MANEA: variants seen among roughly 807,000 people sequenced by gnomAD.
The protein encoded by MANEA is glycoprotein endo-alpha-1,2-mannosidase.
A neutral mutation model predicts 36.8 loss-of-function variants in MANEA; 25 were observed. The observed-to-expected ratio is 0.68, with a 90% CI of 0.50 to 0.95. The LOEUF (loss-of-function observed/expected upper bound fraction) is 0.95. Among genes scored for constraint, MANEA ranks in the 40% least tolerant of loss-of-function variants. The pLI is 0.00. For synonymous variants in MANEA, 198 were observed against 188.5 expected (o/e 1.05, Z -0.41); for missense variants, 565 against 558.8 (o/e 1.01, Z -0.11).
At chr6:95,594,317 A>G (rs548279080) in intron 2 of MANEA, among the ~76,000 whole-genome samples, 1 of 152,320 alleles carries the variant, frequency 6.6e-6, no homozygotes, top group Admixed American at 6.5e-5. Flanking sequence ...CCCTTAGTTC[A>G]TGTAGCTGAT....
chr6:95,589,819 A>T (rs1582223066), intron 2 of MANEA, among the ~76,000 whole-genome samples: 1 of 152,126 alleles, frequency 6.6e-6, no homozygotes, highest in Admixed American at 6.6e-5. Flanking sequence ...TTTATTTGGC[A>T]AAAGGGGAAT....
intron 4 of MANEA, among the ~76,000 whole-genome samples, chr6:95,605,204 A>G (rs1769676078): frequency 6.6e-6 from 1 of 152,126 alleles, no homozygotes; most frequent in African/African-American, 2.4e-5. Context: ...CCTTCAGAAT[A>G]TAGCTTTATC....
At position 95,606,014 on chromosome 6, in the gene MANEA, C is replaced by T; in HGVS notation, c.998C>T (p.Ser333Leu). The T allele has an allele frequency of 1.2e-6, 2 of 1,613,886 alleles. No homozygotes were observed. Among genetic ancestry groups the T allele is most frequent in the Non-Finnish European group, 1.7e-6 (2 of 1,179,956 alleles). Residue 333 changes from serine (S) to leucine (L), a missense_variant, in exon 5 of 5, where the codon TCA becomes TTA. By Grantham distance (145) the Ser-to-Leu change is moderately radical. Coordinates refer to ENST00000358812, the MANE Select transcript of MANEA (RefSeq NM_024641.4). Reference sequence around the variant, plus strand: ...GCCACAAATGGCTTTACTTATGGCTCATCACATCAGAATTGGGCTAGCCTA... The same window carrying T: ...GCCACAAATGGCTTTACTTATGGCTTATCACATCAGAATTGGGCTAGCCTA... ...YFATNGFTYG[S>L]SHQNWASLKL... is the part of the protein sequence containing the mutation.
In MANEA at chr6:95,586,719, G is replaced by A. The variant is rs1457617468; in HGVS notation, c.280G>A (p.Asp94Asn). 6.2e-7 allele frequency: 1 copy of A among 1,613,936 alleles called. No homozygotes were observed. Among genetic ancestry groups the A allele is most frequent in the South Asian group, 1.1e-5 (1 of 91,080 alleles). The change falls in exon 2 of 5, where the codon GAT becomes AAT. Residue 94 changes from aspartate (D) to asparagine (N), a missense_variant. By Grantham distance (23) the Asp-to-Asn change is conservative. Coordinates refer to ENST00000358812, the MANE Select transcript of MANEA (RefSeq NM_024641.4). The part of the protein sequence containing the change: ...KPSKASELNL[D>N]ELPPLNNYLH... ...TTCCAAAGCCTCTGAACTTAACTTG[G>A]ATGAACTACCACCTCTGAACAATTA...
At position 95,605,787 on chromosome 6, in the gene MANEA, G is replaced by C. The variant is rs140663602; in HGVS notation, c.771G>C (p.Lys257Asn). ...CGGCCTTTTACAGGTACAAGACGAA[G>C]ACTGGCAATGCTCTTCCTATGTTTT... ...NHPAFYRYKT[K>N]TGNALPMFYV... The change falls in exon 5 of 5, where the codon AAG becomes AAC. Residue 257 changes from lysine (K) to asparagine (N), a missense_variant. Physicochemically the swap from Lys to Asn is moderately conservative, Grantham distance 94. Transcript: ENST00000358812. 2.3e-4 allele frequency: 377 copies of C among 1,613,440 alleles called. No homozygotes were observed. The highest frequency in any genetic ancestry group is 2.3e-3 in the Middle Eastern group (14 of 6,062).
intron 1 of MANEA, among the ~76,000 whole-genome samples, 156 bp downstream of exon 1, chr6:95,577,794 C>T (rs527630906): frequency 1.3e-5 from 2 of 152,210 alleles, no homozygotes; most frequent in African/African-American, 2.4e-5. Context: ...CTCTGGCAGG[C>T]GCTGGTGGCG....
At chr6:95,585,621 A>T (rs2127938899) in intron 1 of MANEA, among the ~76,000 whole-genome samples, 1 of 152,232 alleles carries the variant, frequency 6.6e-6, no homozygotes, top group South Asian at 2.1e-4. Flanking sequence ...AGCCTAATGA[A>T]TTTTTTGAAA....
intron 3 of MANEA, among the ~76,000 whole-genome samples, chr6:95,597,766 G>A (rs1310667736): frequency 6.6e-6 from 1 of 151,992 alleles, no homozygotes; most frequent in African/African-American, 2.4e-5. Flanking sequence ...ATAAGACATA[G>A]TAGAAGAAAG....
At chr6:95,601,701 T>C (rs1210931465) in intron 3 of MANEA, among the ~76,000 whole-genome samples, 2 of 139,282 alleles carry the variant, frequency 1.4e-5, no homozygotes, top group Non-Finnish European at 3.1e-5. Context: ...AAAAGAAAAT[T>C]AGGCAGATTC....
intron 2 of MANEA, chr6:95,587,273 A>G (rs1310036098): frequency 2.8e-6 from 1 of 351,488 alleles, no homozygotes; most frequent in African/African-American, 2.1e-5. Flanking sequence ...TACATAAAAT[A>G]CAATGAATTT....
chr6:95,580,219 C>CATAT (rs146691044), intron 1 of MANEA, among the ~76,000 whole-genome samples: 1 of 151,316 alleles, frequency 6.6e-6, no homozygotes, highest in Non-Finnish European at 1.5e-5. Context: ...CACAGATATA[C>CATAT]ATATATATAT....
At chr6:95,591,131 T>C (rs1769379077) in intron 2 of MANEA, among the ~76,000 whole-genome samples, 2 of 152,250 alleles carry the variant, frequency 1.3e-5, no homozygotes, top group Non-Finnish European at 2.9e-5. Context: ...TCACAGTGAT[T>C]AAAAGTAAGA....
At chr6:95,585,650 T>C (rs1769266312) in intron 1 of MANEA, among the ~76,000 whole-genome samples, 1 of 152,246 alleles carries the variant, frequency 6.6e-6, no homozygotes, top group African/African-American at 2.4e-5. Context: ...AATATCTTAC[T>C]TGTGATTATT....
rs572056432 is a variant in MANEA, at chr6:95,578,220, A to T, written c.-39+582A>T. On this transcript the variant is annotated intron_variant, in intron 1 of 4. Transcript: ENST00000358812. Reference sequence around the variant, plus strand: ...AACGTGTTTGGCACTGTCATCTTAGACTCTTAGCCTTTGCTAAGTCGGGAT... The same window carrying T: ...AACGTGTTTGGCACTGTCATCTTAGTCTCTTAGCCTTTGCTAAGTCGGGAT... 2.0e-4 allele frequency among the ~76,000 whole-genome samples: 30 copies of T among 152,120 alleles called. 1 individual carries two copies. The South Asian group carries it at 5.4e-3, about 27-fold the overall frequency.
chr6:95,601,417 A>G (rs946915532), intron 3 of MANEA, among the ~76,000 whole-genome samples: 5 of 152,116 alleles, frequency 3.3e-5, no homozygotes, highest in African/African-American at 1.2e-4. Flanking sequence ...GCTTTGGCTG[A>G]TGAGATGTGA....
Position 95,586,409 on chromosome 6 carries a change from C to G in MANEA, c.-31C>G. On this transcript the variant is annotated 5_prime_UTR_variant, in exon 2 of 5. Coordinates refer to ENST00000358812, the MANE Select transcript of MANEA (RefSeq NM_024641.4). The stretch of plus-strand genomic sequence containing the variant: ...TTTTTCAATAAATTGCAGCAAAACA[C>G]TTACTATTTTGGAGTTTAAAGTATG... The G allele has an allele frequency of 6.5e-7, 1 of 1,540,956 alleles. No homozygotes were observed. Among genetic ancestry groups the G allele is most frequent in the Non-Finnish European group, 8.8e-7 (1 of 1,135,418 alleles).
At chr6:95,597,546 A>T (rs1228514534) in intron 3 of MANEA, among the ~76,000 whole-genome samples, 1 of 152,092 alleles carries the variant, frequency 6.6e-6, no homozygotes, top group Non-Finnish European at 1.5e-5. Context: ...TAGCAACATT[A>T]ATTCTAATAA....
At chr6:95,588,872 G>A (rs1769334817) in intron 2 of MANEA, among the ~76,000 whole-genome samples, 2 of 151,530 alleles carry the variant, frequency 1.3e-5, no homozygotes, top group Non-Finnish European at 1.5e-5. Context: ...GGTATAGTTT[G>A]TGATCAGGAA....
intron 1 of MANEA, among the ~76,000 whole-genome samples, chr6:95,580,752 A>G (rs1190123935): frequency 1.3e-5 from 2 of 151,802 alleles, no homozygotes; most frequent in Non-Finnish European, 2.9e-5. Flanking sequence ...AGAAATGACA[A>G]TTTAAAAAGT....
Sources: allele counts gnomAD v4.1 joint callset (sites outside exome capture counted in the v4.1 genomes callset), GRCh38; gene constraint gnomAD v4.1.1; transcripts MANE v1.5; gene names NCBI Gene and HGNC (gene_info 2026-07-23, HGNC 2026-07-21).